The following LIN54 variants were observed in gnomAD, a reference collection of about 807,000 sequenced individuals.
LIN54 encodes protein lin-54 homolog.
Under a neutral mutation model 78.7 loss-of-function variants are expected in LIN54, and 9 were observed. The observed-to-expected ratio is 0.11, with a 90% CI of 0.07 to 0.20. The LOEUF is 0.20. LIN54 is among the 10% of genes least tolerant of loss of function. The probability of loss-of-function intolerance (pLI) is 1.00; values close to 1 mark genes in which losing one functional copy is unlikely to be tolerated. For synonymous variants in LIN54, 269 were observed against 318.4 expected (o/e 0.84, Z 1.65); for missense variants, 573 against 889.9 (o/e 0.64, Z 4.53).
intron 4 of LIN54, among the ~76,000 whole-genome samples, chr4:82,963,696 C>G (rs1383904817): frequency 2.7e-5 from 4 of 149,074 alleles, no homozygotes; most frequent in Non-Finnish European, 5.9e-5. Flanking sequence ...AAAAAAAAAT[C>G]TTTGTACTTA....
intron 9 of LIN54, 91 bp from the exon 10 acceptor site, chr4:82,936,472 A>T: frequency 3.1e-6 from 2 of 637,956 alleles, no homozygotes; most frequent in Non-Finnish European, 5.5e-6. Flanking sequence ...TATTGTACAC[A>T]TACTACATAT....
At chr4:82,956,554 G>A (rs866913994) in intron 4 of LIN54, among the ~76,000 whole-genome samples, 1 of 152,188 alleles carries the variant, frequency 6.6e-6, no homozygotes, top group East Asian at 1.9e-4. Flanking sequence ...AGTTAAGGCT[G>A]CAGTGAGCTG....
chr4:82,973,081 A>G (rs1434788603), intron 3 of LIN54, among the ~76,000 whole-genome samples: 2 of 152,176 alleles, frequency 1.3e-5, no homozygotes, highest in Non-Finnish European at 2.9e-5. Context: ...TTACAAAACT[A>G]AAAGTAATAA....
chr4:82,950,362 A>C (rs1723758143), intron 4 of LIN54, among the ~76,000 whole-genome samples: 1 of 152,188 alleles, frequency 6.6e-6, no homozygotes, highest in African/African-American at 2.4e-5. Context: ...CCACTTATTA[A>C]ACCACATTTC....
chr4:83,005,623 T>A (rs1476893139), intron 1 of LIN54, among the ~76,000 whole-genome samples: 3 of 130,636 alleles, frequency 2.3e-5, no homozygotes, highest in Non-Finnish European at 4.9e-5. Context: ...AGACTCCATC[T>A]CAGAAAAAAA....
intron 4 of LIN54, among the ~76,000 whole-genome samples, chr4:82,966,916 C>G (rs987316564): frequency 6.6e-6 from 1 of 152,040 alleles, no homozygotes. Flanking sequence ...GCCCCGACAT[C>G]TGAATCTTTT....
chr4:83,002,508 G>C (rs1425077918), intron 1 of LIN54, among the ~76,000 whole-genome samples: 1 of 151,956 alleles, frequency 6.6e-6, no homozygotes, highest in Non-Finnish European at 1.5e-5. Context: ...AAAAAAGTTA[G>C]ACAGAAATTA....
At chr4:83,007,904 C>A (rs1578678261) in intron 1 of LIN54, among the ~76,000 whole-genome samples, 3 of 151,932 alleles carry the variant, frequency 2.0e-5, no homozygotes, top group South Asian at 4.2e-4. Context: ...AAAAAAAATT[C>A]TATCAAACAC....
chr4:82,928,301 A>C lies in LIN54; in HGVS notation c.2051T>G (p.Leu684Trp), dbSNP rs756139676. The stretch of plus-strand genomic sequence containing the variant: ...TTCCTTAGTTACAAATGTAAATGGC[A>C]ATCTGAAATGATTTTTGAAAGAGAA... ...TPALNSGGGK[L>W]PFTFVTKEVA... Residue 684 changes from leucine (L) to tryptophan (W), a missense_variant and splice_region_variant, in exon 13 of 13, where the codon TTG becomes TGG. Physicochemically the swap from Leu to Trp is moderately conservative, Grantham distance 61 (BLOSUM62 -2). Transcript: ENST00000340417. The C allele has an allele frequency of 7.4e-6, 12 of 1,612,556 alleles. No individual in the cohort carries two copies. The South Asian group carries it at 1.2e-4, about 16-fold the overall frequency.
chr4:82,956,362 A>AT (rs1724331741), intron 4 of LIN54, among the ~76,000 whole-genome samples: 1 of 135,224 alleles, frequency 7.4e-6, no homozygotes, highest in South Asian at 2.3e-4. Context: ...CTAAAAAAAA[A>AT]AAAAGACTGT....
intron 4 of LIN54, among the ~76,000 whole-genome samples, chr4:82,947,802 C>A (rs1278262107): frequency 6.6e-6 from 1 of 152,012 alleles, no homozygotes; most frequent in Non-Finnish European, 1.5e-5. Context: ...ATAATTACAT[C>A]CTCACCTACT....
rs80332002 is a variant in LIN54, at chr4:82,991,030, G to A, written c.-32-6154C>T. Reference sequence around the variant, plus strand: ...CCATGAAGAAGTCAGGTGCAATGGCGTGCACCTGTAGTCCCAGCTATTCAG... The same window carrying A: ...CCATGAAGAAGTCAGGTGCAATGGCATGCACCTGTAGTCCCAGCTATTCAG... On this transcript the variant is annotated intron_variant, in intron 1 of 12. Transcript: ENST00000340417. Among the ~76,000 whole-genome samples the A allele has an allele frequency of 7.0e-3, 1,061 of 151,966 alleles. 19 individuals carry two copies. Among genetic ancestry groups the A allele is most frequent in the African/African-American group, 0.024 (1,011 of 41,440 alleles).
At chr4:82,971,813 G>A (rs1245201053) in intron 3 of LIN54, among the ~76,000 whole-genome samples, 2 of 152,142 alleles carry the variant, frequency 1.3e-5, no homozygotes, top group African/African-American at 4.8e-5. Context: ...ACCGGCTAAA[G>A]AGGAAAGTCA....
chr4:82,929,135 A>G lies in LIN54; in HGVS notation c.2049-832T>C, dbSNP rs555063780. On this transcript the variant is annotated intron_variant, in intron 12 of 12. Transcript: ENST00000340417. ...TAATTGAGAATTCAGGCTGCCATGC[A>G]GCTGTATAGGAATCTTTAACATACA... Among the ~76,000 whole-genome samples the G allele has an allele frequency of 1.3e-4, 20 of 152,376 alleles. No homozygotes were observed. The East Asian group carries it at 3.7e-3, about 28-fold the overall frequency.
At chr4:82,990,888 C>T (rs1336992394) in intron 1 of LIN54, among the ~76,000 whole-genome samples, 1 of 152,130 alleles carries the variant, frequency 6.6e-6, no homozygotes, top group African/African-American at 2.4e-5. Context: ...CCCTTTGCTA[C>T]AGAGGGAGAT....
chr4:82,947,659 ACATCTT>A (rs1470140047), intron 4 of LIN54, among the ~76,000 whole-genome samples: 1 of 152,048 alleles, frequency 6.6e-6, no homozygotes, highest in African/African-American at 2.4e-5. Flanking sequence ...GCTAAATGAA[ACATCTT>A]AGGCAGAGCA....
At chr4:82,929,559 C>T (rs1302322064) in intron 12 of LIN54, among the ~76,000 whole-genome samples, 1 of 152,056 alleles carries the variant, frequency 6.6e-6, no homozygotes, top group East Asian at 1.9e-4. Flanking sequence ...AATCCCAGCA[C>T]TTTGGGAGAC....
In LIN54 at chr4:82,932,125, C is replaced by T. The variant is rs566083760; in HGVS notation, c.1846-980G>A. On this transcript the variant is annotated intron_variant, in intron 11 of 12. Coordinates refer to ENST00000340417, the MANE Select transcript of LIN54 (RefSeq NM_194282.4). Reference sequence around the variant, plus strand: ...TTTTTTTTTTTTTGAGATGGAGTCTCGCTCTGTCTCCCAGGCTGGAGTGCA... The same window carrying T: ...TTTTTTTTTTTTTGAGATGGAGTCTTGCTCTGTCTCCCAGGCTGGAGTGCA... Among the ~76,000 whole-genome samples, 1,175 of 133,682 alleles carry T rather than the reference C, an allele frequency of 8.8e-3. 20 individuals are homozygous for T. Among genetic ancestry groups the T allele is most frequent in the African/African-American group, 0.031 (1,077 of 35,120 alleles). The allele number at this position is 133,682 out of a possible 152,430, so 87.7% of individuals were successfully genotyped here. A position where few individuals can be genotyped will look rare whatever the true frequency, so the allele number is the denominator to read the frequency against.
chr4:82,946,722 T>C (rs1578516171), intron 4 of LIN54, among the ~76,000 whole-genome samples: 1 of 152,354 alleles, frequency 6.6e-6, no homozygotes, highest in East Asian at 1.9e-4. Context: ...GATGACTTGC[T>C]ATGAAGAAAT....
Sources: allele counts gnomAD v4.1 joint callset (sites outside exome capture counted in the v4.1 genomes callset), GRCh38; gene constraint gnomAD v4.1.1; transcripts MANE v1.5; gene names NCBI Gene and HGNC (gene_info 2026-07-23, HGNC 2026-07-21).